Variants in ACACB observed in about 807,000 individuals in gnomAD.
ACACB encodes the protein acetyl-CoA carboxylase 2.
Under a neutral mutation model 278.8 loss-of-function variants are expected in ACACB, and 209 were observed. The ratio of observed to expected loss-of-function variants is 0.75; its 90% CI spans 0.67 to 0.84. The LOEUF (loss-of-function observed/expected upper bound fraction) is 0.84, where lower values mean the gene tolerates loss of function less well. Among genes scored for constraint, ACACB ranks in the 40% least tolerant of loss-of-function variants. The probability of loss-of-function intolerance (pLI) is 0.00; values close to 1 mark genes in which losing one functional copy is unlikely to be tolerated. For missense variants in ACACB, 2,850 were observed against 3,269.0 expected (o/e 0.87, Z 3.13); for synonymous variants, 1,174 against 1,285.6 (o/e 0.91, Z 1.86).
chr12:109,220,491 C>T (rs1181399298), intron 24 of ACACB, among the ~76,000 whole-genome samples: 2 of 152,142 alleles, frequency 1.3e-5, no homozygotes, highest in Non-Finnish European at 2.9e-5. Flanking sequence ...CTAAAATATA[C>T]AAGATGAGAC....
At position 109,167,916 on chromosome 12, in the gene ACACB, G is replaced by A. The variant is rs1217098935; in HGVS notation, c.807G>A (p.Gly269=). The A allele has an allele frequency of 6.2e-7, 1 of 1,613,880 alleles. No homozygotes were observed. The highest frequency in any genetic ancestry group is 1.7e-5 in the Admixed American group (1 of 59,986). ...VIEKVLIANN[G]IAAVKCMRSI... The stretch of plus-strand genomic sequence containing the variant: ...TGCAGGTGCTTATTGCCAACAACGG[G>A]ATTGCCGCCGTGAAGTGCATGCGCT... The change falls in exon 4 of 53, where the codon GGG becomes GGA. Residue 269 remains glycine, a synonymous_variant. Coordinates refer to ENST00000338432, the MANE Select transcript of ACACB (RefSeq NM_001093.4).
chr12:109,248,376 G>A (rs1442934263), intron 40 of ACACB, among the ~76,000 whole-genome samples: 1 of 152,222 alleles, frequency 6.6e-6, no homozygotes, highest in Non-Finnish European at 1.5e-5. Flanking sequence ...ATAAGGTGAA[G>A]TCCCATGATA....
chr12:109,218,749 GTTCTATCTATC>G (rs2046078643), intron 24 of ACACB, among the ~76,000 whole-genome samples: 2 of 149,480 alleles, frequency 1.3e-5, no homozygotes, highest in African/African-American at 4.9e-5. Flanking sequence ...CGCCTCCCGG[GTTCTATCTATC>G]TTCTATCTAT....
At position 109,191,901 on chromosome 12, in the gene ACACB, G is replaced by C. The variant is rs368443757; in HGVS notation, c.2350G>C (p.Asp784His). 6.2e-7 allele frequency: 1 copy of C among 1,614,206 alleles called. No individual in the cohort carries two copies. Among genetic ancestry groups the C allele is most frequent in the East Asian group, 2.2e-5 (1 of 44,880 alleles). The change falls in exon 15 of 53, where the codon GAT (aspartate) becomes CAT (histidine). Residue 784 changes from aspartate to histidine, a missense_variant. Physicochemically the swap from Asp to His is moderately conservative, Grantham distance 81. Transcript: ENST00000338432. ...GGTATGCGGGGCCTTGAACGTGGCC[G>C]ATGCGATGTTCAGAACGTGCATGAC... Reference protein sequence around the residue: ...GVVCGALNVADAMFRTCMTDF... With the variant: ...GVVCGALNVAHAMFRTCMTDF...
intron 47 of ACACB, among the ~76,000 whole-genome samples, chr12:109,259,525 T>G (rs2047321591): frequency 6.6e-6 from 1 of 150,824 alleles, no homozygotes; most frequent in African/African-American, 2.4e-5. Flanking sequence ...AGGTTGAGGC[T>G]GTACTCCAGC....
At chr12:109,165,942 G>A (rs2043882096) in intron 2 of ACACB, among the ~76,000 whole-genome samples, 1 of 152,142 alleles carries the variant, frequency 6.6e-6, no homozygotes, top group Non-Finnish European at 1.5e-5. Context: ...GACAGAGCAG[G>A]AAACCTGTTT....
At chr12:109,113,895 G>T (rs2042354803), upstream of ACACB, among the ~76,000 whole-genome samples, 1 of 152,240 alleles carries the variant, frequency 6.6e-6, no homozygotes, top group African/African-American at 2.4e-5. Context: ...GCTGGAGATG[G>T]CCTCCTTGTT....
chr12:109,136,246 T>C (rs758168854), intron 1 of ACACB, among the ~76,000 whole-genome samples: 44 of 152,224 alleles, frequency 2.9e-4, no homozygotes, highest in Non-Finnish European at 5.9e-5. Flanking sequence ...TTGTTTACCA[T>C]AGCTTTGTAG....
At chr12:109,233,643 G>A in intron 29 of ACACB, 105 bp from the exon 30 acceptor site, 1 of 926,554 alleles carries the variant, frequency 1.1e-6, no homozygotes, top group Non-Finnish European at 1.7e-6. Flanking sequence ...GTGTTGGCTG[G>A]GAAATTGGGA....
intron 9 of ACACB, 119 bp from the exon 10 acceptor site, chr12:109,178,969 C>T: frequency 1.1e-6 from 1 of 901,248 alleles, no homozygotes; most frequent in South Asian, 1.5e-5. Flanking sequence ...TCAGCAGAGT[C>T]CTGGATGAGT....
upstream of ACACB, among the ~76,000 whole-genome samples, chr12:109,113,573 C>CTA (rs1275467862): frequency 6.6e-6 from 1 of 152,218 alleles, no homozygotes; most frequent in Non-Finnish European, 1.5e-5. Context: ...AGGTCAGGGA[C>CTA]TATAAATTGT....
At chr12:109,247,954 T>A (rs1250849917) in intron 40 of ACACB, among the ~76,000 whole-genome samples, 1 of 152,230 alleles carries the variant, frequency 6.6e-6, no homozygotes, top group East Asian at 1.9e-4. Flanking sequence ...GAGATTGGAT[T>A]CTCGTGAATC....
intron 2 of ACACB, among the ~76,000 whole-genome samples, chr12:109,164,780 C>T (rs984717531): frequency 1.3e-4 from 19 of 144,430 alleles, no homozygotes; most frequent in African/African-American, 4.9e-4. Context: ...TGCAGTGGTG[C>T]AATCTCGGCT....
chr12:109,239,604 G>A (rs1478108902), intron 34 of ACACB, among the ~76,000 whole-genome samples: 1 of 152,240 alleles, frequency 6.6e-6, no homozygotes, highest in East Asian at 1.9e-4. Context: ...GGCCCCAGGT[G>A]TCAAAGTGTC....
At chr12:109,235,239 G>A in intron 31 of ACACB, 74 bp from the exon 32 acceptor site, 1 of 1,244,578 alleles carries the variant, frequency 8.0e-7, no homozygotes, top group South Asian at 1.2e-5. Flanking sequence ...TCATCCGTGT[G>A]GTAACATGCA....
At chr12:109,254,964 G>A (rs865872888) in intron 44 of ACACB, among the ~76,000 whole-genome samples, 4 of 151,900 alleles carry the variant, frequency 2.6e-5, no homozygotes, top group South Asian at 2.1e-4. Context: ...TAGTAGAGGC[G>A]GAGTTTCACC....
intron 40 of ACACB, among the ~76,000 whole-genome samples, chr12:109,248,688 C>T (rs2047014875): frequency 6.6e-6 from 1 of 152,196 alleles, no homozygotes; most frequent in Admixed American, 6.5e-5. Context: ...GGATGGTGCG[C>T]ACCCACATTG....
rs1477315971 is a variant in ACACB at position 109,222,530 on chromosome 12, T to G, written c.3588T>G (p.Pro1196=). The change falls in exon 25 of 53, where the codon CCT becomes CCG. Residue 1196 remains proline (P), a synonymous_variant. Transcript: ENST00000338432. ...MLIDELCGPD[P]SLSDELISIL... ...AGGATGAGCTGTGTGGCCCAGACCC[T>G]TCCCTGTCGGACGAGCTGATCTCCA... 2 of 1,614,066 alleles carry G rather than the reference T, an allele frequency of 1.2e-6. No homozygotes were observed. Among genetic ancestry groups the G allele is most frequent in the East Asian group, 4.5e-5 (2 of 44,890 alleles).
rs193046982 is a variant in ACACB, at chr12:109,227,974, C to T, written c.4001+485C>T. Among the ~76,000 whole-genome samples the T allele has an allele frequency of 7.8e-4, 115 of 146,498 alleles. 1 individual carries two copies. The East Asian group carries it at 0.023, about 29-fold the overall frequency. ...CTTGAACCCGGGAGGCAGAGTGAGT[C>T]AGTGAGCTGAGATTGCCCCACTGCA... On this transcript the variant is annotated intron_variant, in intron 28 of 52. Transcript: ENST00000338432.
Sources: allele counts gnomAD v4.1 joint callset (sites outside exome capture counted in the v4.1 genomes callset), GRCh38; gene constraint gnomAD v4.1.1; transcripts MANE v1.5; gene names NCBI Gene and HGNC (gene_info 2026-07-23, HGNC 2026-07-21).